The following LHFPL6 variants were observed in gnomAD, a reference collection of about 807,000 sequenced individuals.
LHFPL6 encodes LHFPL tetraspan subfamily member 6 protein.
A neutral mutation model predicts 20.6 loss-of-function variants in LHFPL6; 9 were observed. The ratio of observed to expected loss-of-function variants is 0.44; its 90% CI spans 0.26 to 0.76. LHFPL6 has a LOEUF of 0.76. Among genes scored for constraint, LHFPL6 ranks in the 30% least tolerant of loss-of-function variants. The probability of loss-of-function intolerance (pLI) is 0.20; values close to 1 mark genes in which losing one functional copy is unlikely to be tolerated. For missense variants in LHFPL6, 218 were observed against 253.5 expected (o/e 0.86, Z 0.95); for synonymous variants, 105 against 98.7 (o/e 1.06, Z -0.38).
At chr13:39,586,479 GT>G (rs1872452274) in intron 2 of LHFPL6, among the ~76,000 whole-genome samples, 1 of 152,034 alleles carries the variant, frequency 6.6e-6, no homozygotes. Flanking sequence ...AGCCAAAACA[GT>G]TGTAATTTAT....
At chr13:39,399,308 T>A (rs1870925104) in intron 2 of LHFPL6, among the ~76,000 whole-genome samples, 1 of 152,242 alleles carries the variant, frequency 6.6e-6, no homozygotes, top group African/African-American at 2.4e-5. Flanking sequence ...TACATATTCA[T>A]TTCTGTTTAA....
At chr13:39,355,268 C>A (rs1869693957) in intron 3 of LHFPL6, among the ~76,000 whole-genome samples, 1 of 151,922 alleles carries the variant, frequency 6.6e-6, no homozygotes, top group African/African-American at 2.4e-5. Context: ...CAAATTCCAA[C>A]CAAGAATTTC....
chr13:39,463,123 T>C (rs930322538), intron 2 of LHFPL6, among the ~76,000 whole-genome samples: 10 of 152,182 alleles, frequency 6.6e-5, no homozygotes, highest in Admixed American at 6.5e-4. Flanking sequence ...CCAGCCCAGA[T>C]TGAAAGACAG....
intron 3 of LHFPL6, among the ~76,000 whole-genome samples, chr13:39,365,526 A>C (rs915215496): frequency 1.3e-5 from 2 of 152,176 alleles, no homozygotes; most frequent in African/African-American, 4.8e-5. Context: ...TCTTTTTGGT[A>C]AATTACAATC....
intron 3 of LHFPL6, among the ~76,000 whole-genome samples, chr13:39,376,456 G>A (rs1052690210): frequency 2.6e-5 from 4 of 152,106 alleles, no homozygotes; most frequent in Admixed American, 2.0e-4. Flanking sequence ...TCTCTTATTT[G>A]TTTTATCCAT....
intron 2 of LHFPL6, among the ~76,000 whole-genome samples, chr13:39,537,492 G>A (rs1870657393): frequency 6.6e-6 from 1 of 152,130 alleles, no homozygotes; most frequent in African/African-American, 2.4e-5. Context: ...TCCACACTAG[G>A]AAATTTCAGG....
chr13:39,498,937 T>G (rs1869187755), intron 2 of LHFPL6, among the ~76,000 whole-genome samples: 1 of 152,180 alleles, frequency 6.6e-6, no homozygotes, highest in Non-Finnish European at 1.5e-5. Context: ...CTCAGCTCAC[T>G]GCAACCTCCA....
intron 2 of LHFPL6, among the ~76,000 whole-genome samples, chr13:39,592,893 G>T: frequency 1.3e-5 from 2 of 152,326 alleles, no homozygotes; most frequent in South Asian, 4.1e-4. Flanking sequence ...CTCCATAGAT[G>T]CAGGAAAGGC....
chr13:39,385,699 CTT>C (rs933870761), intron 2 of LHFPL6, among the ~76,000 whole-genome samples: 1 of 152,208 alleles, frequency 6.6e-6, no homozygotes, highest in African/African-American at 2.4e-5. Context: ...CTGCAAAACT[CTT>C]TCTATTCAAA....
chr13:39,559,809 T>C (rs1385106298), intron 2 of LHFPL6, among the ~76,000 whole-genome samples: 2 of 152,220 alleles, frequency 1.3e-5, no homozygotes, highest in African/African-American at 2.4e-5. Flanking sequence ...TCAACTATAT[T>C]ATTAATAATG....
At chr13:39,547,319 C>T (rs1871012638) in intron 2 of LHFPL6, among the ~76,000 whole-genome samples, 1 of 152,120 alleles carries the variant, frequency 6.6e-6, no homozygotes, top group African/African-American at 2.4e-5. Context: ...ATGTCTATTT[C>T]ACCCACTCAT....
intron 2 of LHFPL6, among the ~76,000 whole-genome samples, chr13:39,545,940 G>A (rs1870969301): frequency 6.6e-6 from 1 of 151,786 alleles, no homozygotes; most frequent in African/African-American, 2.4e-5. Flanking sequence ...AATTAAAACT[G>A]TATTATTTTT....
chr13:39,562,409 C>CAGATACACATATACAT (rs1871522466), intron 2 of LHFPL6, among the ~76,000 whole-genome samples: 1 of 101,816 alleles, frequency 9.8e-6, no homozygotes, highest in Admixed American at 1.0e-4. Flanking sequence ...CATATATACA[C>CAGATACACATATACAT]ATATACACAT....
At chr13:39,486,042 A>G (rs956649975) in intron 2 of LHFPL6, among the ~76,000 whole-genome samples, 2 of 152,112 alleles carry the variant, frequency 1.3e-5, no homozygotes, top group Non-Finnish European at 2.9e-5. Context: ...CAGGGCCACA[A>G]AGTCTGCTGG....
intron 2 of LHFPL6, among the ~76,000 whole-genome samples, chr13:39,499,116 GC>G (rs1869204131): frequency 6.6e-6 from 1 of 151,950 alleles, no homozygotes; most frequent in Non-Finnish European, 1.5e-5. Context: ...ACCTGCCTAG[GC>G]CTCCCAAAGT....
At chr13:39,588,657 T>C (rs571544610) in intron 2 of LHFPL6, among the ~76,000 whole-genome samples, 1 of 152,350 alleles carries the variant, frequency 6.6e-6, no homozygotes, top group East Asian at 1.9e-4. Flanking sequence ...TAAGGGGACA[T>C]TGCTTAAATA....
At chr13:39,391,197 C>A (rs566546582) in intron 2 of LHFPL6, among the ~76,000 whole-genome samples, 2 of 152,144 alleles carry the variant, frequency 1.3e-5, no homozygotes, top group East Asian at 1.9e-4. Context: ...CATGAAACTG[C>A]GTAGATTTTT....
intron 2 of LHFPL6, among the ~76,000 whole-genome samples, chr13:39,566,731 TAAAAAAAAAAA>T (rs3035077): frequency 7.1e-5 from 5 of 70,088 alleles, no homozygotes; most frequent in Non-Finnish European, 1.3e-4. Context: ...AGACCCTGTC[TAAAAAAAAAAA>T]AAAAAAAAAA....
chr13:39,382,406 T>C (rs1387248736), intron 2 of LHFPL6, among the ~76,000 whole-genome samples: 1 of 152,034 alleles, frequency 6.6e-6, no homozygotes, highest in Non-Finnish European at 1.5e-5. Context: ...TGTTTGGTTG[T>C]TTTGTTTTGT....
Sources: gnomAD v4.1 joint callset for allele counts (sites outside exome capture counted in the v4.1 genomes callset) on GRCh38, gnomAD v4.1.1 for gene constraint, MANE v1.5 for transcripts, NCBI Gene and HGNC (gene_info 2026-07-23, HGNC 2026-07-21) for gene names.